CCDC91: variants seen among roughly 807,000 people sequenced by gnomAD.
The protein encoded by CCDC91 is coiled-coil domain containing 91, also known as coiled-coil domain-containing protein 91.
In CCDC91, 48 loss-of-function variants were observed where a neutral mutation model predicts 63.2. The observed-to-expected ratio is 0.76, with a 90% CI of 0.60 to 0.97. The LOEUF (loss-of-function observed/expected upper bound fraction) is 0.97, where lower values mean the gene tolerates loss of function less well. Ranked by LOEUF, CCDC91 falls within the 50% of genes least tolerant of loss-of-function variation. The probability of loss-of-function intolerance (pLI) is 0.00; values close to 1 mark genes in which losing one functional copy is unlikely to be tolerated. For synonymous variants in CCDC91, 167 were observed against 165.8 expected, an observed-to-expected ratio of 1.01 and a Z score of -0.06; for missense variants, 500 against 494.6, an observed-to-expected ratio of 1.01 and a Z score of -0.10.
At chr12:28,259,482 T>C (rs11049489) in intron 3 of CCDC91, 40 bp downstream of exon 3, 264,179 of 1,275,638 alleles carry the variant, frequency 0.21, 12,218 homozygotes, top group East Asian at 0.44. Flanking sequence ...TTTTTTTTTT[T>C]CCCATGTAAC....
intron 12 of CCDC91, among the ~76,000 whole-genome samples, chr12:28,500,161 T>A (rs748030164): frequency 2.9e-4 from 44 of 151,648 alleles, no homozygotes; most frequent in Non-Finnish European, 5.6e-4. Context: ...AAGTGTCTGT[T>A]CGTATCCTTC....
chr12:28,379,992 G>A (rs1167333887), intron 7 of CCDC91, among the ~76,000 whole-genome samples: 1 of 152,126 alleles, frequency 6.6e-6, no homozygotes, highest in East Asian at 1.9e-4. Context: ...ATACTATGCA[G>A]CCATAAAAAA....
chr12:28,241,649 C>G (rs7303053), intron 1 of CCDC91, among the ~76,000 whole-genome samples: 9,267 of 151,968 alleles, frequency 0.061, 406 homozygotes, highest in East Asian at 0.15. Context: ...TTTTGGTATC[C>G]GTGTGTGAGA....
chr12:28,320,403 A>G (rs1399097321), intron 6 of CCDC91, among the ~76,000 whole-genome samples: 2 of 151,728 alleles, frequency 1.3e-5, no homozygotes, highest in Non-Finnish European at 2.9e-5. Context: ...TTATGTGCTT[A>G]ATGGCAATGC....
chr12:28,309,135 C>T (rs1486252783), intron 6 of CCDC91, among the ~76,000 whole-genome samples: 1 of 151,960 alleles, frequency 6.6e-6, no homozygotes, highest in African/African-American at 2.4e-5. Context: ...GCTGTTCCTC[C>T]TGTAGATAAG....
At chr12:28,527,868 AG>A (rs1941404276) in intron 12 of CCDC91, among the ~76,000 whole-genome samples, 1 of 152,054 alleles carries the variant, frequency 6.6e-6, no homozygotes, top group Non-Finnish European at 1.5e-5. Context: ...GCAGGTTGCC[AG>A]GAAACTGGGG....
intron 12 of CCDC91, among the ~76,000 whole-genome samples, chr12:28,544,900 G>A (rs918157605): frequency 9.9e-5 from 15 of 152,084 alleles, no homozygotes; most frequent in African/African-American, 3.4e-4. Flanking sequence ...TTATTAAGAA[G>A]ACATGCTATT....
intron 1 of CCDC91, among the ~76,000 whole-genome samples, chr12:28,208,511 AG>A (rs1318156456): frequency 5.3e-5 from 8 of 152,324 alleles, no homozygotes; most frequent in South Asian, 2.1e-4. Context: ...TAAATGCTTC[AG>A]GGGCCCTCTG....
intron 12 of CCDC91, among the ~76,000 whole-genome samples, chr12:28,527,361 T>C (rs556277930): frequency 6.6e-6 from 1 of 152,302 alleles, no homozygotes; most frequent in Admixed American, 6.5e-5. Flanking sequence ...GCTGTAATGA[T>C]TGTTATCTCT....
chr12:28,277,524 G>A (rs1392945762), intron 3 of CCDC91, among the ~76,000 whole-genome samples: 3 of 152,020 alleles, frequency 2.0e-5, no homozygotes, highest in African/African-American at 4.8e-5. Context: ...GATGCTGAAA[G>A]CAAATGCTTA....
chr12:28,444,709 A>C (rs911864806), intron 8 of CCDC91, among the ~76,000 whole-genome samples: 1 of 152,204 alleles, frequency 6.6e-6, no homozygotes, highest in Non-Finnish European at 1.5e-5. Context: ...GGAGAGGAGC[A>C]ATAAAGATAA....
intron 6 of CCDC91, among the ~76,000 whole-genome samples, chr12:28,361,218 A>G (rs1009180907): frequency 1.3e-5 from 2 of 151,628 alleles, no homozygotes; most frequent in Admixed American, 6.6e-5. Context: ...TTTAGGGTAC[A>G]TGTGCACAAT....
chr12:28,503,894 A>G (rs1031775180), intron 12 of CCDC91, among the ~76,000 whole-genome samples: 18 of 149,798 alleles, frequency 1.2e-4, no homozygotes, highest in Non-Finnish European at 1.8e-4. Flanking sequence ...ATGAGAACAC[A>G]TGGACACAGG....
Position 28,480,818 on chromosome 12 carries a change from A to G in CCDC91, c.1102-3234A>G, listed in dbSNP as rs140657461. 4.1e-4 allele frequency among the ~76,000 whole-genome samples: 62 copies of G among 152,152 alleles called. No homozygotes were observed. In the East Asian group the frequency reaches 0.012, roughly 28 times the overall value. ...TGGTGATACTTGTTTTCTGTAAATA[A>G]CTGAGCTATGTTTACAGTCCTTAAC... is the stretch of plus-strand genomic sequence containing the variant. On this transcript the variant is annotated intron_variant, in intron 11 of 12. Coordinates refer to ENST00000536442, the MANE Select transcript of CCDC91 (RefSeq NM_018318.5).
At chr12:28,467,714 A>G (rs566983720) in intron 11 of CCDC91, among the ~76,000 whole-genome samples, 85 of 152,248 alleles carry the variant, frequency 5.6e-4, no homozygotes, top group African/African-American at 2.0e-3. Context: ...TAAAAAGTAC[A>G]AAATAAGTTT....
At chr12:28,240,036 A>G (rs1945235489) in intron 1 of CCDC91, among the ~76,000 whole-genome samples, 1 of 152,186 alleles carries the variant, frequency 6.6e-6, no homozygotes, top group African/African-American at 2.4e-5. Flanking sequence ...TTGCATAGGC[A>G]TTGGCAGAAT....
chr12:28,325,667 G>A (rs1592314066), intron 6 of CCDC91, among the ~76,000 whole-genome samples: 1 of 151,890 alleles, frequency 6.6e-6, no homozygotes, highest in East Asian at 1.9e-4. Context: ...GGCAAGAAGA[G>A]GAGATTTTAG....
At chr12:28,502,918 A>C (rs1011432017) in intron 12 of CCDC91, among the ~76,000 whole-genome samples, 1 of 149,654 alleles carries the variant, frequency 6.7e-6, no homozygotes, top group Non-Finnish European at 1.5e-5. Context: ...CTTACACCTT[A>C]TACAAAAATT....
chr12:28,318,782 C>A (rs1299781773), intron 6 of CCDC91, among the ~76,000 whole-genome samples: 1 of 151,964 alleles, frequency 6.6e-6, no homozygotes, highest in African/African-American at 2.4e-5. Context: ...CTAAATGGAA[C>A]AGTTTTGAAG....
Sources: gnomAD v4.1 joint callset for allele counts (sites outside exome capture counted in the v4.1 genomes callset) on GRCh38, gnomAD v4.1.1 for gene constraint, MANE v1.5 for transcripts, NCBI Gene and HGNC (gene_info 2026-07-23, HGNC 2026-07-21) for gene names.